The following CCDC12 variants were observed in gnomAD, a reference collection of about 807,000 sequenced individuals.
The protein encoded by CCDC12 is coiled-coil domain containing 12, also known as coiled-coil domain-containing protein 12.
A neutral mutation model predicts 25.7 loss-of-function variants in CCDC12; 28 were observed. The observed-to-expected ratio is 1.09, with a 90% CI of 0.81 to 1.50. CCDC12 has a LOEUF of 1.50. CCDC12 is among the 40% of genes most tolerant of loss of function. CCDC12 has a pLI of 0.00. For synonymous variants in CCDC12, 75 were observed against 87.7 expected (o/e 0.86, Z 0.81); for missense variants, 198 against 210.0 (o/e 0.94, Z 0.35).
intron 1 of CCDC12, among the ~76,000 whole-genome samples, chr3:46,950,312 T>C (rs1279004489): frequency 2.7e-4 from 4 of 15,092 alleles, no homozygotes; most frequent in Non-Finnish European, 5.2e-3. Flanking sequence ...GATCTACATT[T>C]GCATTTTTTT....
intron 2 of CCDC12, among the ~76,000 whole-genome samples, chr3:46,927,845 C>T (rs1040988032): frequency 6.6e-6 from 1 of 152,184 alleles, no homozygotes; most frequent in Non-Finnish European, 1.5e-5. Context: ...GTCCCCTTAG[C>T]GTGGAGAGCT....
intron 1 of CCDC12, among the ~76,000 whole-genome samples, chr3:46,944,093 C>G (rs1380310940): frequency 6.6e-6 from 1 of 152,184 alleles, no homozygotes; most frequent in Non-Finnish European, 1.5e-5. Context: ...ACCTGAGAGA[C>G]TCAAAGAGCC....
chr3:46,941,438 G>A (rs963021223), intron 1 of CCDC12, among the ~76,000 whole-genome samples: 16 of 152,072 alleles, frequency 1.1e-4, no homozygotes, highest in Admixed American at 3.3e-4. Flanking sequence ...GGTAGTGGGC[G>A]CCTGTAGTCC....
In CCDC12 at chr3:46,963,605, G is replaced by A. The variant is rs534074615; in HGVS notation, c.96+13032C>T. Among the ~76,000 whole-genome samples, 401 of 152,336 alleles carry A rather than the reference G, an allele frequency of 2.6e-3. 3 individuals are homozygous for A. The highest frequency in any genetic ancestry group is 0.017 in the South Asian group (84 of 4,826). Reference sequence around the variant, plus strand: ...CGAGTGCCTGCGATCGCAGGCGCGCGCCGCCACACCTGACTGGTTTTCGTA... The same window carrying A: ...CGAGTGCCTGCGATCGCAGGCGCGCACCGCCACACCTGACTGGTTTTCGTA... On this transcript the variant is annotated intron_variant, in intron 1 of 6. Transcript: ENST00000683445.
At position 46,931,361 on chromosome 3, in the gene CCDC12, T is replaced by C. The variant is rs528081105; in HGVS notation, c.165-5826A>G. 6.7e-3 allele frequency among the ~76,000 whole-genome samples: 1,015 copies of C among 152,308 alleles called. 3 individuals are homozygous for C. Among genetic ancestry groups the C allele is most frequent in the Non-Finnish European group, 0.011 (776 of 68,026 alleles). Reference sequence around the variant, plus strand: ...GGAAGCAGGTGGAGAAAGTTGATGTTCTCTGTCAAGTATAGAACCAGAGTA... The same window carrying C: ...GGAAGCAGGTGGAGAAAGTTGATGTCCTCTGTCAAGTATAGAACCAGAGTA... On this transcript the variant is annotated intron_variant, in intron 2 of 6. Coordinates refer to ENST00000683445, the MANE Select transcript of CCDC12 (RefSeq NM_001277074.2).
chr3:46,965,958 G>T (rs2034626510), intron 1 of CCDC12: 1 of 152,370 alleles, frequency 6.6e-6, no homozygotes. Context: ...CCATCTTCCA[G>T]CTAAAAAGGA....
intron 1 of CCDC12, among the ~76,000 whole-genome samples, chr3:46,970,798 A>G (rs1219495107): frequency 6.8e-6 from 1 of 146,788 alleles, no homozygotes; most frequent in Non-Finnish European, 1.5e-5. Context: ...GTGGCCTCAC[A>G]CTGCCCTGCC....
intron 2 of CCDC12, among the ~76,000 whole-genome samples, chr3:46,938,851 CAAAAAAAA>C (rs576909794): frequency 9.0e-4 from 135 of 150,382 alleles, no homozygotes; most frequent in Admixed American, 2.5e-3. Flanking sequence ...GACCCCATCT[CAAAAAAAA>C]GAAAAAAAAA....
intron 1 of CCDC12, among the ~76,000 whole-genome samples, chr3:46,967,101 G>A (rs947768742): frequency 6.6e-6 from 1 of 152,094 alleles, no homozygotes; most frequent in African/African-American, 2.4e-5. Flanking sequence ...CCAGATGCCT[G>A]CTTATGTCTC....
rs79398060 is a variant in CCDC12 at position 46,928,879 on chromosome 3, C to T, written c.165-3344G>A. On this transcript the variant is annotated intron_variant, in intron 2 of 6. Transcript: ENST00000683445. ...CAATGGCTTGTGTCTGTAATCCCAG[C>T]TACTTCGGAGGCTAAGGCAAGAGGA... Among the ~76,000 whole-genome samples, 776 of 152,216 alleles carry T rather than the reference C, an allele frequency of 5.1e-3. 6 individuals are homozygous for T. The highest frequency in any genetic ancestry group is 0.018 in the African/African-American group (744 of 41,526).
intron 1 of CCDC12, among the ~76,000 whole-genome samples, chr3:46,952,004 A>G (rs1234982756): frequency 6.6e-6 from 1 of 151,050 alleles, no homozygotes; most frequent in Admixed American, 6.6e-5. Flanking sequence ...TGTGTGGGCC[A>G]AAGGTCATGA....
chr3:46,963,027 C>T (rs1450237097), intron 1 of CCDC12, among the ~76,000 whole-genome samples: 1 of 152,226 alleles, frequency 6.6e-6, no homozygotes, highest in Admixed American at 6.5e-5. Context: ...ACTAATTCCA[C>T]ACCCAACAAC....
intron 2 of CCDC12, among the ~76,000 whole-genome samples, chr3:46,931,634 G>A (rs1195467738): frequency 1.3e-5 from 2 of 152,106 alleles, no homozygotes; most frequent in Non-Finnish European, 2.9e-5. Flanking sequence ...AGAGGATAAG[G>A]ACAGGACAGT....
intron 1 of CCDC12, among the ~76,000 whole-genome samples, chr3:46,948,653 C>T (rs2033997988): frequency 1.3e-5 from 2 of 152,236 alleles, no homozygotes; most frequent in Non-Finnish European, 1.5e-5. Flanking sequence ...GTGCCCTCAG[C>T]GGTGGAAAGG....
At chr3:46,973,767 C>T (rs184849263) in intron 1 of CCDC12, among the ~76,000 whole-genome samples, 6 of 151,968 alleles carry the variant, frequency 3.9e-5, no homozygotes, top group African/African-American at 1.2e-4. Flanking sequence ...CGCCCACCAC[C>T]GCGCTCGGCT....
intron 1 of CCDC12, among the ~76,000 whole-genome samples, chr3:46,956,669 C>T (rs2034296893): frequency 6.6e-6 from 1 of 152,086 alleles, no homozygotes; most frequent in Non-Finnish European, 1.5e-5. Context: ...CACAAAAAAA[C>T]ACAAAGCCAG....
intron 4 of CCDC12, 98 bp from the exon 5 acceptor site, chr3:46,923,461 GGAA>G (rs1575533696): frequency 3.3e-6 from 5 of 1,511,500 alleles, no homozygotes; most frequent in East Asian, 4.7e-5. Flanking sequence ...AAGAGGAGGA[GGAA>G]GGAGAGGGAC....
At chr3:46,978,009 C>A (rs768147390), upstream of CCDC12, among the ~76,000 whole-genome samples, 1 of 152,232 alleles carries the variant, frequency 6.6e-6, no homozygotes, top group African/African-American at 2.4e-5. Flanking sequence ...GAATAGGAGA[C>A]CATGCCGCCC....
At chr3:46,979,748 G>A, upstream of CCDC12, 1 of 325,886 alleles carries the variant, frequency 3.1e-6, no homozygotes, top group Admixed American at 5.0e-5. Context: ...GTACCGCGCC[G>A]CTCCGCCCCG....
Sources: allele counts gnomAD v4.1 joint callset (sites outside exome capture counted in the v4.1 genomes callset), GRCh38; gene constraint gnomAD v4.1.1; transcripts MANE v1.5; gene names NCBI Gene and HGNC (gene_info 2026-07-23, HGNC 2026-07-21).